The following SLC9A2 variants were observed in gnomAD, a reference collection of about 807,000 sequenced individuals.
SLC9A2 encodes the protein solute carrier family 9 member A2.
SLC9A2 carries 42 observed loss-of-function variants against 71.7 expected under a neutral mutation model. That is an observed-to-expected ratio of 0.59 (90% confidence interval 0.46 to 0.76). The LOEUF (loss-of-function observed/expected upper bound fraction) is 0.76, where lower values mean the gene tolerates loss of function less well. Ranked by LOEUF, SLC9A2 falls within the 30% of genes least tolerant of loss-of-function variation. The pLI, the probability that SLC9A2 is intolerant of heterozygous loss-of-function variation, is 0.00. For synonymous variants in SLC9A2, 396 were observed against 392.5 expected (o/e 1.01, Z -0.10); for missense variants, 829 against 1,017.4 (o/e 0.81, Z 2.52).
At chr2:102,646,219 G>A (rs1676720948) in intron 1 of SLC9A2, among the ~76,000 whole-genome samples, 1 of 152,098 alleles carries the variant, frequency 6.6e-6, no homozygotes, top group Non-Finnish European at 1.5e-5. Flanking sequence ...ATAAGCGAAG[G>A]AGAAATAAAA....
chr2:102,627,145 CAACAACAAT>C (rs1218801934), intron 1 of SLC9A2, among the ~76,000 whole-genome samples: 136 of 122,738 alleles, frequency 1.1e-3, no homozygotes, highest in Middle Eastern at 0.011. Flanking sequence ...ACAACAACAA[CAACAACAAT>C]AACAACAACA....
intron 3 of SLC9A2, among the ~76,000 whole-genome samples, chr2:102,666,444 C>G (rs567589124): frequency 3.9e-5 from 6 of 152,184 alleles, no homozygotes; most frequent in East Asian, 1.9e-4. Context: ...CGATCCACCC[C>G]CCTTGGCCTC....
chr2:102,694,604 G>A (rs909605646), intron 6 of SLC9A2, 101 bp downstream of exon 6: 2 of 521,378 alleles, frequency 3.8e-6, no homozygotes, highest in Non-Finnish European at 6.8e-6. Flanking sequence ...AAGAAGAAGG[G>A]AATGGCAGGG....
intron 11 of SLC9A2, among the ~76,000 whole-genome samples, chr2:102,707,433 G>A (rs1678003156): frequency 6.6e-6 from 1 of 151,890 alleles, no homozygotes; most frequent in Admixed American, 6.6e-5. Flanking sequence ...TAGAACAGTG[G>A]CCCGTGGTCC....
At position 102,684,286 on chromosome 2, in the gene SLC9A2, T is replaced by C. The variant is rs368185370; in HGVS notation, c.1375T>C (p.Leu459=). The change falls in exon 5 of 12, where the codon TTG becomes CTG. Residue 459 remains leucine, a synonymous_variant. Coordinates refer to ENST00000233969, the MANE Select transcript of SLC9A2 (RefSeq NM_003048.6). ...LPAAVFPRKK[L]FITAAIVVIF... is the part of the protein sequence containing the mutation. ...TGCTGCTGTGTTTCCTCGGAAAAAATTGTTTATTACGGCTGCCATTGTTGT... is the reference window on the plus strand; with the variant it reads ...TGCTGCTGTGTTTCCTCGGAAAAAACTGTTTATTACGGCTGCCATTGTTGT... 5 of 1,614,066 alleles carry C rather than the reference T, an allele frequency of 3.1e-6. No homozygotes were observed. Among genetic ancestry groups the C allele is most frequent in the South Asian group, 1.1e-5 (1 of 91,084 alleles).
At chr2:102,622,319 GTTCCCTGTC>G (rs1490808026) in intron 1 of SLC9A2, among the ~76,000 whole-genome samples, 1 of 149,836 alleles carries the variant, frequency 6.7e-6, no homozygotes, top group African/African-American at 2.4e-5. Flanking sequence ...TGAATGACCT[GTTCCCTGTC>G]ACTCTCTCTG....
intron 2 of SLC9A2, among the ~76,000 whole-genome samples, chr2:102,659,240 C>A (rs1157803907): frequency 6.7e-6 from 1 of 149,758 alleles, no homozygotes; most frequent in African/African-American, 2.5e-5. Flanking sequence ...ACAAGCCTGA[C>A]CGACATGGTG....
intron 1 of SLC9A2, among the ~76,000 whole-genome samples, chr2:102,642,895 C>G (rs1194373853): frequency 1.3e-5 from 2 of 152,126 alleles, no homozygotes; most frequent in Middle Eastern, 3.2e-3. Context: ...TTCATATTTT[C>G]TTCACCAACA....
At chr2:102,676,781 A>G (rs1677353012) in intron 3 of SLC9A2, among the ~76,000 whole-genome samples, 1 of 152,256 alleles carries the variant, frequency 6.6e-6, no homozygotes, top group South Asian at 2.1e-4. Context: ...AGTCACCACA[A>G]GACCTGGCTT....
intron 1 of SLC9A2, among the ~76,000 whole-genome samples, chr2:102,636,293 A>G (rs992838012): frequency 6.6e-6 from 1 of 152,204 alleles, no homozygotes; most frequent in Non-Finnish European, 1.5e-5. Flanking sequence ...ACAGTCTTTT[A>G]CCAAATGGGA....
At chr2:102,694,954 G>A in intron 6 of SLC9A2, 89 bp from the exon 7 acceptor site, 4 of 1,058,782 alleles carry the variant, frequency 3.8e-6, no homozygotes, top group South Asian at 2.8e-5. Context: ...AGCCATGAAG[G>A]TCTTTGGAGT....
intron 5 of SLC9A2, among the ~76,000 whole-genome samples, chr2:102,690,514 T>C (rs1677638841): frequency 6.6e-6 from 1 of 152,058 alleles, no homozygotes; most frequent in African/African-American, 2.4e-5. Flanking sequence ...TTTTCGAAGA[T>C]GGGAGCACGT....
chr2:102,657,518 A>G, intron 1 of SLC9A2, 46 bp from the exon 2 acceptor site: 1 of 1,364,356 alleles, frequency 7.3e-7, no homozygotes, highest in East Asian at 2.4e-5. Flanking sequence ...TGTCTCCCAA[A>G]TTCCTCCATA....
intron 2 of SLC9A2, among the ~76,000 whole-genome samples, chr2:102,664,632 C>G (rs1250934351): frequency 6.6e-6 from 1 of 152,088 alleles, no homozygotes; most frequent in Admixed American, 6.5e-5. Flanking sequence ...GGTACCTGTC[C>G]TGATGCGTAG....
chr2:102,675,753 C>A (rs1185205457), intron 3 of SLC9A2, among the ~76,000 whole-genome samples: 1 of 152,160 alleles, frequency 6.6e-6, no homozygotes, highest in African/African-American at 2.4e-5. Flanking sequence ...GTAGTTAAAT[C>A]CACATTACTC....
Position 102,701,243 on chromosome 2 carries a change from CTTGCAAATAAAAG to C in SLC9A2, c.1748+15_1748+27del, listed in dbSNP as rs533326924. The C allele has an allele frequency of 4.9e-4, 766 of 1,571,440 alleles. 9 individuals are homozygous for C. The East Asian group carries it at 0.013, about 27-fold the overall frequency. ...TTTGCATCTCTAAAGTAAGTATGGT[CTTGCAAATAAAAG>C]TTAGTATTGTTAAATAGGCATTGAT... On this transcript the variant is annotated intron_variant, in intron 8 of 11. Coordinates refer to ENST00000233969, the MANE Select transcript of SLC9A2 (RefSeq NM_003048.6).
Position 102,682,509 on chromosome 2 carries a change from C to T in SLC9A2, c.1005-752C>T, listed in dbSNP as rs576339393. On this transcript the variant is annotated intron_variant, in intron 3 of 11. Transcript: ENST00000233969. ...TTGACCCTGGAGCCCTTCCTTTTCT[C>T]CAGGTGCCATATTCCAGTAGATATC... 2.6e-5 allele frequency among the ~76,000 whole-genome samples: 4 copies of T among 152,240 alleles called. No homozygotes were observed. The South Asian group carries it at 8.3e-4, about 32-fold the overall frequency.
At chr2:102,663,851 G>A (rs558164950) in intron 2 of SLC9A2, among the ~76,000 whole-genome samples, 1 of 152,306 alleles carries the variant, frequency 6.6e-6, no homozygotes, top group East Asian at 1.9e-4. Context: ...AAAGAAAGTG[G>A]TGGGGCTGCA....
At chr2:102,635,287 C>A (rs1676447590) in intron 1 of SLC9A2, among the ~76,000 whole-genome samples, 1 of 152,146 alleles carries the variant, frequency 6.6e-6, no homozygotes, top group South Asian at 2.1e-4. Context: ...TCTTGGTGTT[C>A]AGGGTTGGGA....
Sources: allele counts gnomAD v4.1 joint callset (sites outside exome capture counted in the v4.1 genomes callset), GRCh38; gene constraint gnomAD v4.1.1; transcripts MANE v1.5; gene names NCBI Gene and HGNC (gene_info 2026-07-23, HGNC 2026-07-21).